The following KIF16B variants were observed in gnomAD, a reference collection of about 807,000 sequenced individuals.
The protein encoded by KIF16B is kinesin-like protein KIF16B.
Under a neutral mutation model 156.3 loss-of-function variants are expected in KIF16B, and 98 were observed. The ratio of observed to expected loss-of-function variants is 0.63; its 90% CI spans 0.53 to 0.74. The LOEUF (loss-of-function observed/expected upper bound fraction) is 0.74, where lower values mean the gene tolerates loss of function less well. Among genes scored for constraint, KIF16B ranks in the 30% least tolerant of loss-of-function variants. The pLI is 0.00. For missense variants in KIF16B, 1,421 were observed against 1,606.5 expected (o/e 0.88, Z 1.97); for synonymous variants, 564 against 583.7 (o/e 0.97, Z 0.49).
At chr20:16,557,148 T>C (rs2070879845) in intron 1 of KIF16B, among the ~76,000 whole-genome samples, 1 of 110,574 alleles carries the variant, frequency 9.0e-6, no homozygotes. Flanking sequence ...ATATTAATAC[T>C]ATATATATAT....
intron 10 of KIF16B, among the ~76,000 whole-genome samples, chr20:16,501,666 G>A (rs2068630234): frequency 6.6e-6 from 1 of 152,088 alleles, no homozygotes; most frequent in Admixed American, 6.5e-5. Flanking sequence ...TTTGCAGTGA[G>A]GATAAATGGA....
At chr20:16,515,732 T>A in intron 3 of KIF16B, 68 bp from the exon 4 acceptor site, 1 of 840,810 alleles carries the variant, frequency 1.2e-6, no homozygotes, top group Non-Finnish European at 2.0e-6. Context: ...CCTTCAGTGT[T>A]GACAATGTTC....
In KIF16B at chr20:16,467,570, A is replaced by C. The variant is rs568761322; in HGVS notation, c.1302+26721T>G. Among the ~76,000 whole-genome samples, 15 of 152,372 alleles carry C rather than the reference A, an allele frequency of 9.8e-5. No individual in the cohort carries two copies. In the South Asian group the frequency reaches 1.9e-3, roughly 19 times the overall value. ...CATGCAAGAACATACAGATCATGTA[A>C]GCAGAAAGATGAAAAAATCTTGAAA... On this transcript the variant is annotated intron_variant, in intron 12 of 25. Transcript: ENST00000354981.
chr20:16,365,586 C>T (rs976322606), intron 22 of KIF16B, among the ~76,000 whole-genome samples: 3 of 152,170 alleles, frequency 2.0e-5, no homozygotes, highest in Non-Finnish European at 2.9e-5. Context: ...ATGTCTGCAA[C>T]ACTAGGTAGA....
chr20:16,344,049 T>C (rs1014345472), intron 23 of KIF16B, among the ~76,000 whole-genome samples: 1 of 152,192 alleles, frequency 6.6e-6, no homozygotes, highest in African/African-American at 2.4e-5. Context: ...TGGTAAGAGA[T>C]GCATGCAGGA....
intron 12 of KIF16B, among the ~76,000 whole-genome samples, chr20:16,485,279 G>T (rs917394805): frequency 3.9e-5 from 6 of 152,076 alleles, no homozygotes; most frequent in African/African-American, 1.2e-4. Flanking sequence ...AACCAGGCTG[G>T]TCCACAAAAT....
At chr20:16,371,473 C>T (rs1449925401) in intron 21 of KIF16B, among the ~76,000 whole-genome samples, 192 bp downstream of exon 21, 2 of 151,862 alleles carry the variant, frequency 1.3e-5, no homozygotes, top group Non-Finnish European at 2.9e-5. Context: ...CGCCTATAGT[C>T]CCAGCTACTT....
intron 17 of KIF16B, among the ~76,000 whole-genome samples, chr20:16,402,719 C>A (rs1225822095): frequency 6.6e-6 from 1 of 152,020 alleles, no homozygotes; most frequent in East Asian, 1.9e-4. Context: ...CTCAGAACAC[C>A]TGGAGAGAGG....
At chr20:16,369,040 C>T in intron 22 of KIF16B, 1 of 985,890 alleles carries the variant, frequency 1.0e-6, no homozygotes, top group Non-Finnish European at 1.2e-6. Flanking sequence ...TTTGTTTTCA[C>T]TGTCCTGGAA....
intron 17 of KIF16B, among the ~76,000 whole-genome samples, chr20:16,390,953 A>C (rs1490371977): frequency 6.6e-6 from 1 of 152,204 alleles, no homozygotes; most frequent in African/African-American, 2.4e-5. Context: ...GAATGTAAGG[A>C]GCCCAGTGGG....
rs112098468 is a variant in KIF16B at position 16,275,252 on chromosome 20, C to T, written c.3796-1841G>A. Among the ~76,000 whole-genome samples, 10 of 152,176 alleles carry T rather than the reference C, an allele frequency of 6.6e-5. 2 individuals are homozygous for T. Among genetic ancestry groups the T allele is most frequent in the African/African-American group, 1.9e-4 (8 of 41,516 alleles). On this transcript the variant is annotated intron_variant, in intron 25 of 25. Transcript: ENST00000354981. ...TGTATTTTTAGTAGAGACGGGGTTT[C>T]ACCATGTTGGCCAGGCTGGTCTCAA...
intron 22 of KIF16B, among the ~76,000 whole-genome samples, chr20:16,369,970 C>A (rs74509243): frequency 0.093 from 14,220 of 152,246 alleles, 819 homozygotes; most frequent in Non-Finnish European, 0.14. Context: ...CGGCCAAAGT[C>A]AGCTCAGCCT....
intron 1 of KIF16B, among the ~76,000 whole-genome samples, chr20:16,543,832 G>C (rs2070297104): frequency 6.6e-6 from 1 of 152,144 alleles, no homozygotes; most frequent in Non-Finnish European, 1.5e-5. Flanking sequence ...GTAAAGAAAT[G>C]CAGGTCCAGA....
intron 9 of KIF16B, 124 bp downstream of exon 9, chr20:16,505,598 A>G: frequency 1.2e-6 from 1 of 858,722 alleles, no homozygotes; most frequent in Admixed American, 2.8e-5. Context: ...CTCAAGATAG[A>G]AAAACCATTA....
At chr20:16,327,023 A>G (rs1601577142) in intron 24 of KIF16B, among the ~76,000 whole-genome samples, 3 of 142,762 alleles carry the variant, frequency 2.1e-5, no homozygotes, top group Non-Finnish European at 4.6e-5. Context: ...ATGTGTGTGT[A>G]TATATATACA....
Position 16,499,852 on chromosome 20 carries a change from T to C in KIF16B, c.1177-2174A>G, listed in dbSNP as rs1013148135. Among the ~76,000 whole-genome samples the C allele has an allele frequency of 7.2e-5, 11 of 152,328 alleles. No individual in the cohort carries two copies. The South Asian group carries it at 1.7e-3, about 23-fold the overall frequency. ...AAATCCTTTTAAAAGAAATCATTGG[T>C]AAAAGTACCATTTTCAATTAAATTA... On this transcript the variant is annotated intron_variant, in intron 10 of 25. Transcript: ENST00000354981.
chr20:16,324,828 AG>A (rs1266725898), intron 24 of KIF16B, among the ~76,000 whole-genome samples: 2 of 152,048 alleles, frequency 1.3e-5, no homozygotes, highest in African/African-American at 4.8e-5. Flanking sequence ...TACCAAAACC[AG>A]GAAAGAACAT....
At chr20:16,313,426 A>G (rs1397874484) in intron 24 of KIF16B, among the ~76,000 whole-genome samples, 2 of 152,148 alleles carry the variant, frequency 1.3e-5, no homozygotes, top group Non-Finnish European at 2.9e-5. Flanking sequence ...CTTTTAAAAC[A>G]TAGTATTAAA....
intron 3 of KIF16B, among the ~76,000 whole-genome samples, chr20:16,518,917 C>T (rs2069234991): frequency 6.6e-6 from 1 of 152,138 alleles, no homozygotes. Flanking sequence ...CCTGATCCAT[C>T]TGTCATCGTG....
Sources: gnomAD v4.1 joint callset for allele counts (sites outside exome capture counted in the v4.1 genomes callset) on GRCh38, gnomAD v4.1.1 for gene constraint, MANE v1.5 for transcripts, NCBI Gene and HGNC (gene_info 2026-07-23, HGNC 2026-07-21) for gene names.